MEIS1: variants seen among roughly 807,000 people sequenced by gnomAD.
MEIS1 encodes Meis homeobox 1, also known as homeobox protein Meis1.
A neutral mutation model predicts 50.8 loss-of-function variants in MEIS1; 5 were observed. That is an observed-to-expected ratio of 0.10 (90% CI 0.05 to 0.21). The LOEUF (loss-of-function observed/expected upper bound fraction) is 0.21, where lower values mean the gene tolerates loss of function less well. Among genes scored for constraint, MEIS1 ranks in the 10% least tolerant of loss-of-function variants. The pLI is 1.00. For missense variants in MEIS1, 318 were observed against 517.3 expected, an observed-to-expected ratio of 0.61 and a Z score of 3.74; for synonymous variants, 176 against 179.3, an observed-to-expected ratio of 0.98 and a Z score of 0.15.
chr2:66,484,410 C>T (rs768036595), intron 7 of MEIS1, among the ~76,000 whole-genome samples: 11 of 152,134 alleles, frequency 7.2e-5, no homozygotes, highest in Non-Finnish European at 1.6e-4. Context: ...TATTCATTCT[C>T]TCATGACATA....
At chr2:66,439,013 C>T (rs1304932884) in intron 2 of MEIS1, 1 of 151,808 alleles carries the variant, frequency 6.6e-6, no homozygotes, top group East Asian at 1.9e-4. Flanking sequence ...GCTGTGAGAG[C>T]TAATAAAAGA....
intron 7 of MEIS1, chr2:66,496,155 A>G (rs1572854423): frequency 6.6e-6 from 1 of 152,204 alleles, no homozygotes; most frequent in South Asian, 2.1e-4. Flanking sequence ...GAAGGAAGTA[A>G]TTCCTTGGTT....
chr2:66,537,504 G>T (rs1015808823), intron 8 of MEIS1, among the ~76,000 whole-genome samples: 1 of 152,178 alleles, frequency 6.6e-6, no homozygotes, highest in African/African-American at 2.4e-5. Context: ...GGGGTCTTTA[G>T]TCATATTGGG....
intron 6 of MEIS1, among the ~76,000 whole-genome samples, 157 bp from the exon 7 acceptor site, chr2:66,463,952 A>G (rs978651274): frequency 7.9e-5 from 12 of 152,214 alleles, no homozygotes; most frequent in Non-Finnish European, 1.3e-4. Context: ...AAATGTGCCA[A>G]TGCAGCTCTG....
intron 1 of MEIS1, chr2:66,437,325 G>A: frequency 6.2e-6 from 1 of 161,312 alleles, no homozygotes. Flanking sequence ...AAGGGGCTGT[G>A]AAACTAGGCG....
intron 9 of MEIS1, among the ~76,000 whole-genome samples, chr2:66,553,808 C>T (rs1674985023): frequency 6.6e-6 from 1 of 152,132 alleles, no homozygotes; most frequent in Non-Finnish European, 1.5e-5. Flanking sequence ...AGCTTTTCCC[C>T]ACTGCATAAA....
intron 8 of MEIS1, among the ~76,000 whole-genome samples, chr2:66,532,707 A>G (rs1311370492): frequency 6.6e-6 from 1 of 152,208 alleles, no homozygotes; most frequent in Non-Finnish European, 1.5e-5. Flanking sequence ...TGCATGTAAT[A>G]GTCGAGTTCC....
intron 8 of MEIS1, among the ~76,000 whole-genome samples, chr2:66,537,959 G>A (rs1674560491): frequency 6.6e-6 from 1 of 152,166 alleles, no homozygotes; most frequent in African/African-American, 2.4e-5. Flanking sequence ...AGTGTGCCAT[G>A]TTTTTGTTGT....
At chr2:66,483,653 AT>A (rs1673072589) in intron 7 of MEIS1, among the ~76,000 whole-genome samples, 1 of 152,192 alleles carries the variant, frequency 6.6e-6, no homozygotes, top group Non-Finnish European at 1.5e-5. Flanking sequence ...GACTGATAAA[AT>A]TCTTACCACA....
At chr2:66,510,000 A>G (rs1384327924) in intron 7 of MEIS1, among the ~76,000 whole-genome samples, 1 of 152,176 alleles carries the variant, frequency 6.6e-6, no homozygotes, top group Non-Finnish European at 1.5e-5. Flanking sequence ...GAAAATAATC[A>G]TGGGGAGGTG....
chr2:66,446,569 T>TA (rs1355008749), intron 6 of MEIS1, among the ~76,000 whole-genome samples: 1 of 152,162 alleles, frequency 6.6e-6, no homozygotes, highest in Admixed American at 6.5e-5. Context: ...TTACAGTTTT[T>TA]ATTCAACAGC....
chr2:66,508,511 A>T (rs1459583968), intron 7 of MEIS1, among the ~76,000 whole-genome samples: 2 of 152,340 alleles, frequency 1.3e-5, no homozygotes, highest in East Asian at 3.9e-4. Flanking sequence ...AGGAAGTTGC[A>T]GGGAGAGGAT....
At chr2:66,446,479 G>A (rs1229209109) in intron 6 of MEIS1, among the ~76,000 whole-genome samples, 2 of 152,280 alleles carry the variant, frequency 1.3e-5, no homozygotes, top group South Asian at 2.1e-4. Flanking sequence ...GCCGAGATTA[G>A]CTAGGTCTGT....
chr2:66,496,812 GT>G (rs942362539), intron 7 of MEIS1, among the ~76,000 whole-genome samples: 6 of 151,030 alleles, frequency 4.0e-5, no homozygotes, highest in East Asian at 1.9e-4. Flanking sequence ...GAACGTTCTC[GT>G]TTTTTTTTGT....
chr2:66,489,688 TC>T (rs1673228386), intron 7 of MEIS1, among the ~76,000 whole-genome samples: 2 of 152,212 alleles, frequency 1.3e-5, no homozygotes, highest in Admixed American at 1.3e-4. Flanking sequence ...CCATATGCTA[TC>T]CTGGTGATAA....
rs1385968980 is a variant in MEIS1 at position 66,548,097 on chromosome 2, A to G, written c.965+78A>G. ...CTGCAGCTCATGTTTTGCATTAAGA[A>G]GACACACCCAGTTGCCACTGCTTTC... On this transcript the variant is annotated intron_variant, in intron 9 of 12. Coordinates refer to ENST00000272369, the MANE Select transcript of MEIS1 (RefSeq NM_002398.3). 4 of 1,396,730 alleles carry G rather than the reference A, an allele frequency of 2.9e-6. No individual in the cohort carries two copies. In the African/African-American group the frequency reaches 5.7e-5, roughly 20 times the overall value. The allele number at this position is 1,396,730 out of a possible 1,614,324, so 86.5% of individuals were successfully genotyped here. A position where few individuals can be genotyped will look rare whatever the true frequency, so the allele number is the denominator to read the frequency against.
intron 7 of MEIS1, 142 bp from the exon 8 acceptor site, chr2:66,512,007 A>G (rs1403268588): frequency 2.9e-6 from 3 of 1,033,164 alleles, no homozygotes; most frequent in Non-Finnish European, 3.9e-6. Flanking sequence ...TTGGAAAACA[A>G]AACACAACAA....
At chr2:66,521,852 G>A (rs980492767) in intron 8 of MEIS1, among the ~76,000 whole-genome samples, 3 of 152,126 alleles carry the variant, frequency 2.0e-5, no homozygotes, top group Admixed American at 6.5e-5. Flanking sequence ...ACCTGACCCC[G>A]CTGGCTCCTG....
At chr2:66,542,273 A>G (rs1053489330) in intron 8 of MEIS1, among the ~76,000 whole-genome samples, 1 of 152,314 alleles carries the variant, frequency 6.6e-6, no homozygotes, top group South Asian at 2.1e-4. Context: ...GTTAAAAACC[A>G]TATGGTAGAT....
Sources: gnomAD v4.1 joint callset for allele counts (sites outside exome capture counted in the v4.1 genomes callset) on GRCh38, gnomAD v4.1.1 for gene constraint, MANE v1.5 for transcripts, NCBI Gene and HGNC (gene_info 2026-07-23, HGNC 2026-07-21) for gene names.